Variants in CARMIL1 observed in about 807,000 individuals in gnomAD.
CARMIL1 encodes the protein capping protein regulator and myosin 1 linker 1.
CARMIL1 carries 90 observed loss-of-function variants against 177.1 expected under a neutral mutation model. The observed-to-expected ratio is 0.51, with a 90% CI of 0.43 to 0.61. The LOEUF is 0.61. Ranked by LOEUF, CARMIL1 falls within the 20% of genes least tolerant of loss-of-function variation. CARMIL1 has a pLI of 0.00. For synonymous variants in CARMIL1, 577 were observed against 606.2 expected (o/e 0.95, Z 0.71); for missense variants, 1,380 against 1,667.0 (o/e 0.83, Z 3.00).
intron 33 of CARMIL1, among the ~76,000 whole-genome samples, chr6:25,604,044 T>A (rs1815691728): frequency 6.6e-6 from 1 of 152,160 alleles, no homozygotes; most frequent in African/African-American, 2.4e-5. Context: ...ATCATTGAGG[T>A]TGGAAAGGTT....
At chr6:25,459,210 T>TTTTCTTTCCTTCTTTCTTTC (rs1799796428) in intron 8 of CARMIL1, among the ~76,000 whole-genome samples, 2 of 80,136 alleles carry the variant, frequency 2.5e-5, no homozygotes, top group African/African-American at 8.9e-5. Flanking sequence ...GATCCCAACT[T>TTTTCTTTCCTTCTTTCTTTC]TTTCTTTCTT....
chr6:25,515,936 A>C lies in CARMIL1; in HGVS notation c.1805+89A>C. The C allele has an allele frequency of 7.5e-7, 1 of 1,339,552 alleles. No individual in the cohort carries two copies. The highest frequency in any genetic ancestry group is 2.6e-5 in the East Asian group (1 of 38,996). The allele number at this position is 1,339,552 out of a possible 1,614,324, so 83.0% of individuals were successfully genotyped here. ...TTGCAGAGCTGCTGGGCCCGAGGGG[A>C]CCTGGGCTTCCCATGAGGCCATCTT... On this transcript the variant is annotated intron_variant, in intron 21 of 36. Coordinates refer to ENST00000329474, the MANE Select transcript of CARMIL1 (RefSeq NM_017640.6). This position sits in a 1 kb window ranked among gnomAD's most constrained non-coding sequence, Gnocchi z 5.0.
At chr6:25,534,576 AT>A (rs982231571) in intron 24 of CARMIL1, among the ~76,000 whole-genome samples, 9 of 152,108 alleles carry the variant, frequency 5.9e-5, no homozygotes, top group Admixed American at 2.6e-4. Flanking sequence ...TTTGGATAAA[AT>A]TTTTTTAAAA....
chr6:25,342,898 G>T (rs1204043765), intron 2 of CARMIL1, among the ~76,000 whole-genome samples: 1 of 152,146 alleles, frequency 6.6e-6, no homozygotes, highest in Non-Finnish European at 1.5e-5. Flanking sequence ...TAGTTTACTG[G>T]TTACTGTGGT....
At chr6:25,517,473 A>T in intron 22 of CARMIL1, 58 bp downstream of exon 22, 1 of 1,330,578 alleles carries the variant, frequency 7.5e-7, no homozygotes, top group Admixed American at 1.7e-5. Context: ...CCAATGGTAT[A>T]TATGTTACCT....
chr6:25,294,711 T>C (rs1782258692), intron 2 of CARMIL1, among the ~76,000 whole-genome samples: 1 of 152,204 alleles, frequency 6.6e-6, no homozygotes, highest in African/African-American at 2.4e-5. Flanking sequence ...TCAGGCTAAA[T>C]AGGCTCACAT....
intron 8 of CARMIL1, among the ~76,000 whole-genome samples, chr6:25,455,072 T>A (rs74954305): frequency 0.012 from 1,840 of 152,344 alleles, 32 homozygotes; most frequent in African/African-American, 0.041. Flanking sequence ...ACTGTGATGG[T>A]TGGTTCCTAT....
At chr6:25,282,345 T>C (rs1232968518) in intron 1 of CARMIL1, among the ~76,000 whole-genome samples, 1 of 152,076 alleles carries the variant, frequency 6.6e-6, no homozygotes, top group African/African-American at 2.4e-5. Context: ...TGTGCTTGTT[T>C]CTCGAGTTCT....
At chr6:25,307,997 G>A (rs1248546947) in intron 2 of CARMIL1, among the ~76,000 whole-genome samples, 2 of 152,186 alleles carry the variant, frequency 1.3e-5, no homozygotes. Context: ...CATTCAAATG[G>A]CACTGATAAG....
At chr6:25,609,341 C>G (rs1816297493) in intron 35 of CARMIL1, among the ~76,000 whole-genome samples, 1 of 151,950 alleles carries the variant, frequency 6.6e-6, no homozygotes, top group Non-Finnish European at 1.5e-5. Context: ...TGGCACGTGC[C>G]TGTAATCCCA....
chr6:25,551,607 T>C (rs560778793), intron 27 of CARMIL1, among the ~76,000 whole-genome samples: 1 of 152,250 alleles, frequency 6.6e-6, no homozygotes, highest in Admixed American at 6.5e-5. Context: ...GTTTGAAAAA[T>C]ATGACAAGAT....
chr6:25,342,754 T>A (rs1345456589), intron 2 of CARMIL1, among the ~76,000 whole-genome samples: 1 of 152,232 alleles, frequency 6.6e-6, no homozygotes, highest in Non-Finnish European at 1.5e-5. Context: ...TTAAATACTT[T>A]ATACTGTCTA....
intron 27 of CARMIL1, among the ~76,000 whole-genome samples, chr6:25,553,078 A>G (rs1810267453): frequency 6.6e-6 from 1 of 152,224 alleles, no homozygotes; most frequent in African/African-American, 2.4e-5. Flanking sequence ...ACTTCTATTC[A>G]GAAATCTCCC....
chr6:25,375,119 T>C (rs936098609), intron 2 of CARMIL1, among the ~76,000 whole-genome samples: 4 of 152,240 alleles, frequency 2.6e-5, no homozygotes, highest in African/African-American at 9.6e-5. Flanking sequence ...AGAGGTTCTA[T>C]TCTGGTGCAT....
intron 5 of CARMIL1, among the ~76,000 whole-genome samples, chr6:25,441,331 A>ATGTG (rs1296177997): frequency 1.3e-3 from 55 of 43,222 alleles, no homozygotes; most frequent in Middle Eastern, 0.012. Context: ...ATATATATAT[A>ATGTG]TATATATGTG....
intron 8 of CARMIL1, among the ~76,000 whole-genome samples, chr6:25,459,275 T>TCTTTCTTTC (rs1272799059): frequency 7.1e-6 from 1 of 141,508 alleles, no homozygotes; most frequent in Non-Finnish European, 1.5e-5. Flanking sequence ...TCTTTTTTTT[T>TCTTTCTTTC]TTTTTAAGAC....
At chr6:25,444,311 C>T (rs548402875) in intron 5 of CARMIL1, among the ~76,000 whole-genome samples, 50 of 150,944 alleles carry the variant, frequency 3.3e-4, no homozygotes, top group East Asian at 7.8e-4. Flanking sequence ...TGTTATGACT[C>T]AAGGGACATT....
At chr6:25,455,921 C>T (rs777667963) in intron 8 of CARMIL1, among the ~76,000 whole-genome samples, 1 of 152,194 alleles carries the variant, frequency 6.6e-6, no homozygotes, top group African/African-American at 2.4e-5. Flanking sequence ...CATCACCACA[C>T]GTGAGACATG....
chr6:25,412,756 C>G (rs1795028056), intron 2 of CARMIL1, among the ~76,000 whole-genome samples: 1 of 152,128 alleles, frequency 6.6e-6, no homozygotes, highest in Non-Finnish European at 1.5e-5. Context: ...CCATAAAACT[C>G]TATGTGGGGT....
Sources: gnomAD v4.1 joint callset for allele counts (sites outside exome capture counted in the v4.1 genomes callset) on GRCh38, gnomAD v4.1.1 for gene constraint, Gnocchi (gnomAD v3.1) non-coding constraint, MANE v1.5 for transcripts, NCBI Gene and HGNC (gene_info 2026-07-23, HGNC 2026-07-21) for gene names.